The following IL1RL2 variants were observed in gnomAD, a reference collection of about 807,000 sequenced individuals.
IL1RL2 encodes the protein interleukin-1 receptor-like 2.
IL1RL2 carries 68 observed loss-of-function variants against 66.8 expected under a neutral mutation model. That is an observed-to-expected ratio of 1.02 (90% CI 0.84 to 1.25). The LOEUF (loss-of-function observed/expected upper bound fraction) is 1.25, where lower values mean the gene tolerates loss of function less well. Ranked by LOEUF, IL1RL2 falls within the 50% of genes most tolerant of loss-of-function variation. IL1RL2 has a pLI of 0.00. For missense variants in IL1RL2, 729 were observed against 709.3 expected (o/e 1.03, Z -0.32); for synonymous variants, 305 against 264.6 (o/e 1.15, Z -1.48).
intron 3 of IL1RL2, among the ~76,000 whole-genome samples, chr2:102,191,366 A>G (rs1215659245): frequency 6.6e-6 from 1 of 152,200 alleles, no homozygotes; most frequent in Admixed American, 6.5e-5. Flanking sequence ...TATAATCTAT[A>G]TTCTAATCTT....
rs541188679 is a variant in IL1RL2 at position 102,217,003 on chromosome 2, T to C, written c.725-1950T>C. Among the ~76,000 whole-genome samples the C allele has an allele frequency of 3.3e-5, 5 of 152,290 alleles. No individual in the cohort carries two copies. The South Asian group carries it at 1.0e-3, about 32-fold the overall frequency. On this transcript the variant is annotated intron_variant, in intron 6 of 11. Transcript: ENST00000264257. ...TTACTAGAGTCTTGAAAGATTTACA[T>C]AGCGCCATTTCAGAATTGAGATATT...
At chr2:102,238,480 G>A (rs1049521258) in intron 11 of IL1RL2, among the ~76,000 whole-genome samples, 1 of 152,184 alleles carries the variant, frequency 6.6e-6, no homozygotes, top group South Asian at 2.1e-4. Context: ...GGGAGCCTCA[G>A]TCCCCAGGGC....
chr2:102,193,942 C>T lies in IL1RL2; in HGVS notation c.489+1822C>T, dbSNP rs10193815. Among the ~76,000 whole-genome samples the T allele has an allele frequency of 9.4e-3, 1,426 of 151,854 alleles. 19 individuals carry two copies. The highest frequency in any genetic ancestry group is 0.033 in the African/African-American group (1,369 of 41,388). ...TATATATCCTGGGTATGATTGTTTGCAATGCATTAAAAAAACCCCTTTTCA... is the reference window on the plus strand; with the variant it reads ...TATATATCCTGGGTATGATTGTTTGTAATGCATTAAAAAAACCCCTTTTCA... On this transcript the variant is annotated intron_variant, in intron 4 of 11. Transcript: ENST00000264257.
chr2:102,188,161 C>T (rs1686869029), intron 2 of IL1RL2, among the ~76,000 whole-genome samples: 1 of 152,204 alleles, frequency 6.6e-6, no homozygotes, highest in African/African-American at 2.4e-5. Context: ...AGGAGTTAGG[C>T]AAATTCCAAG....
chr2:102,213,860 T>C (rs1435679427), intron 6 of IL1RL2, among the ~76,000 whole-genome samples: 2 of 151,396 alleles, frequency 1.3e-5, no homozygotes, highest in Admixed American at 1.3e-4. Context: ...AACAGAAGAG[T>C]TGAGGTGGGG....
intron 4 of IL1RL2, among the ~76,000 whole-genome samples, chr2:102,195,627 T>TTCTTTCTTTC (rs1559530270): frequency 1.1e-3 from 16 of 14,626 alleles, no homozygotes; most frequent in East Asian, 4.3e-3. Flanking sequence ...CTTTCTTTCT[T>TTCTTTCTTTC]TCTCTCTCTC....
At chr2:102,207,413 C>T (rs1180242756) in intron 5 of IL1RL2, among the ~76,000 whole-genome samples, 2 of 152,128 alleles carry the variant, frequency 1.3e-5, no homozygotes, top group Non-Finnish European at 2.9e-5. Flanking sequence ...TGGATAATTG[C>T]TACTGATTAT....
chr2:102,201,754 T>C (rs1417460430), intron 5 of IL1RL2, 39 bp downstream of exon 5: 1 of 1,590,858 alleles, frequency 6.3e-7, no homozygotes, highest in African/African-American at 1.3e-5. Context: ...TTGTATTCTC[T>C]TGGCTTTGTG....
At chr2:102,194,219 A>T (rs1328492229) in intron 4 of IL1RL2, among the ~76,000 whole-genome samples, 1 of 152,206 alleles carries the variant, frequency 6.6e-6, no homozygotes, top group Non-Finnish European at 1.5e-5. Context: ...ATTTAATTTG[A>T]ATAAAATCAT....
At chr2:102,198,521 C>T (rs370998306) in intron 4 of IL1RL2, among the ~76,000 whole-genome samples, 32 of 152,332 alleles carry the variant, frequency 2.1e-4, no homozygotes, top group Middle Eastern at 3.4e-3. Flanking sequence ...AGTTACTTCG[C>T]GCTCTTCAGT....
At chr2:102,187,799 G>A in intron 1 of IL1RL2, 57 bp from the exon 2 acceptor site, 3 of 1,456,184 alleles carry the variant, frequency 2.1e-6, no homozygotes, top group Admixed American at 1.7e-5. Flanking sequence ...CCACGCCGGC[G>A]CCTCGGGCCC....
At chr2:102,240,719 C>G (rs1262140292), downstream of IL1RL2, among the ~76,000 whole-genome samples, 2 of 152,214 alleles carry the variant, frequency 1.3e-5, no homozygotes, top group African/African-American at 4.8e-5. Flanking sequence ...ACTTTGCTTT[C>G]TTCAATCAAC....
intron 5 of IL1RL2, among the ~76,000 whole-genome samples, chr2:102,208,671 C>T (rs891874686): frequency 3.3e-5 from 5 of 152,242 alleles, no homozygotes; most frequent in Non-Finnish European, 7.3e-5. Context: ...GCATGGGTGG[C>T]TCCCTGCTGC....
chr2:102,207,940 C>G (rs1688840104), intron 5 of IL1RL2, among the ~76,000 whole-genome samples: 1 of 152,186 alleles, frequency 6.6e-6, no homozygotes, highest in Admixed American at 6.5e-5. Flanking sequence ...TTCCCTCTGT[C>G]TAGGGCTGGT....
intron 11 of IL1RL2, among the ~76,000 whole-genome samples, chr2:102,237,832 T>C (rs1242399860): frequency 6.6e-6 from 1 of 152,106 alleles, no homozygotes; most frequent in African/African-American, 2.4e-5. Context: ...GTTCAACGGC[T>C]AAGGGACAAA....
intron 9 of IL1RL2, among the ~76,000 whole-genome samples, chr2:102,231,153 C>G (rs990456228): frequency 3.9e-5 from 6 of 152,186 alleles, no homozygotes; most frequent in African/African-American, 4.8e-5. Context: ...TGCTGAAGTC[C>G]TTATTCATTC....
At chr2:102,189,558 T>C (rs570638011) in intron 3 of IL1RL2, among the ~76,000 whole-genome samples, 14 of 152,242 alleles carry the variant, frequency 9.2e-5, no homozygotes, top group Non-Finnish European at 2.1e-4. Context: ...CAAAGTGTGT[T>C]TGTCCCAGTA....
At chr2:102,188,569 C>G (rs1686927007) in intron 2 of IL1RL2, among the ~76,000 whole-genome samples, 1 of 115,472 alleles carries the variant, frequency 8.7e-6, no homozygotes, top group Admixed American at 1.3e-4. Flanking sequence ...GCCTGGGCGA[C>G]AGAGAGAGAC....
At chr2:102,187,327 C>A (rs866686093) in intron 1 of IL1RL2, 1 of 1,172,316 alleles carries the variant, frequency 8.5e-7, no homozygotes, top group Middle Eastern at 4.0e-4. Flanking sequence ...TCTCCTTTCC[C>A]GCTGGCCCTT....
Sources: gnomAD v4.1 joint callset for allele counts (sites outside exome capture counted in the v4.1 genomes callset) on GRCh38, gnomAD v4.1.1 for gene constraint, MANE v1.5 for transcripts, NCBI Gene and HGNC (gene_info 2026-07-23, HGNC 2026-07-21) for gene names.